The following PBRM1 variants were observed in gnomAD, a reference collection of about 807,000 sequenced individuals.
The protein encoded by PBRM1 is polybromo 1.
PBRM1 carries 27 observed loss-of-function variants against 194.5 expected under a neutral mutation model. The ratio of observed to expected loss-of-function variants is 0.14; its 90% CI spans 0.10 to 0.19. PBRM1 has a LOEUF of 0.19. Among genes scored for constraint, PBRM1 ranks in the 10% least tolerant of loss-of-function variants. The pLI is 1.00. For synonymous variants in PBRM1, 655 were observed against 693.2 expected, an observed-to-expected ratio of 0.94 and a Z score of 0.87; for missense variants, 1,466 against 2,077.2, an observed-to-expected ratio of 0.71 and a Z score of 5.72.
At chr3:52,647,875 G>A (rs1044931542) in intron 7 of PBRM1, among the ~76,000 whole-genome samples, 1 of 151,870 alleles carries the variant, frequency 6.6e-6, no homozygotes, top group African/African-American at 2.4e-5. Context: ...AGTGATGGCT[G>A]CCCAACTCCA....
In PBRM1 at chr3:52,571,856, C is replaced by CAAAAAAAAAAAAAAAAAAAAAAA. The variant is rs58430288; in HGVS notation, c.3691+4662_3691+4684dup. ...GAGCAAGAGGGATACCTCATCTCCC[C>CAAAAAAAAAAAAAAAAAAAAAAA]AAAAAAAAAAAAAAAAAAAAAAAAA... On this transcript the variant is annotated intron_variant, in intron 22 of 29. Coordinates refer to ENST00000296302, the Ensembl canonical transcript of PBRM1. Among the ~76,000 whole-genome samples the CAAAAAAAAAAAAAAAAAAAAAAA allele has an allele frequency of 1.1e-4, 4 of 37,090 alleles. 2 individuals carry two copies. The highest frequency in any genetic ancestry group is 4.6e-4 in the African/African-American group (4 of 8,720). 24.3% of individuals were successfully genotyped at this position (37,090 alleles called of 152,430 possible). A position where few individuals can be genotyped will look rare whatever the true frequency, so the allele number is the denominator to read the frequency against.
At chr3:52,647,457 A>AAAAAAATAT (rs1560745545) in intron 7 of PBRM1, among the ~76,000 whole-genome samples, 1 of 47,878 alleles carries the variant, frequency 2.1e-5, no homozygotes, top group African/African-American at 9.1e-5. Flanking sequence ...AAAAAAAAAA[A>AAAAAAATAT]ATATATATAT....
intron 22 of PBRM1, among the ~76,000 whole-genome samples, chr3:52,573,564 G>C (rs2088237858): frequency 6.6e-6 from 1 of 152,084 alleles, no homozygotes; most frequent in African/African-American, 2.4e-5. Flanking sequence ...CAAAGTACTG[G>C]GATTACAGGC....
At chr3:52,575,424 A>G (rs922660789) in intron 22 of PBRM1, among the ~76,000 whole-genome samples, 3 of 152,138 alleles carry the variant, frequency 2.0e-5, no homozygotes, top group Non-Finnish European at 2.9e-5. Context: ...CAGCCCATTC[A>G]TAAGAAAAAA....
chr3:52,638,077 T>C (rs1208186475), intron 10 of PBRM1, among the ~76,000 whole-genome samples: 2 of 152,212 alleles, frequency 1.3e-5, no homozygotes, highest in Non-Finnish European at 1.5e-5. Flanking sequence ...GCAAATCATA[T>C]GATTTTACTC....
At chr3:52,616,432 G>A (rs547915938) in intron 14 of PBRM1, among the ~76,000 whole-genome samples, 4 of 152,252 alleles carry the variant, frequency 2.6e-5, no homozygotes, top group Non-Finnish European at 5.9e-5. Context: ...AGTGGCTCAC[G>A]CCTGTAATCC....
chr3:52,614,548 T>C (rs1030209355), intron 15 of PBRM1, among the ~76,000 whole-genome samples: 52 of 151,600 alleles, frequency 3.4e-4, no homozygotes, highest in Middle Eastern at 3.4e-3. Flanking sequence ...TTTTCCTGTC[T>C]TCTCTTCCAA....
At chr3:52,667,722 T>C (rs926258651) in intron 3 of PBRM1, among the ~76,000 whole-genome samples, 3 of 138,552 alleles carry the variant, frequency 2.2e-5, no homozygotes, top group Non-Finnish European at 4.5e-5. Context: ...CACTGCACTC[T>C]AGCCTGGGCA....
chr3:52,684,770 T>C (rs944717577), intron 1 of PBRM1: 3 of 152,230 alleles, frequency 2.0e-5, no homozygotes, highest in Admixed American at 1.3e-4. Flanking sequence ...TTTGAGGTAT[T>C]TTGTACATTC....
chr3:52,644,082 T>C lies in PBRM1; in HGVS notation c.899+622A>G, dbSNP rs114647375. On this transcript the variant is annotated intron_variant, in intron 8 of 29. Transcript: ENST00000296302. The stretch of plus-strand genomic sequence containing the variant: ...ATATGAATACATACTACTAATATTA[T>C]ATATAAATACCATACTATTATCTAT... Among the ~76,000 whole-genome samples the C allele has an allele frequency of 1.1e-3, 173 of 151,870 alleles. 2 individuals are homozygous for C. Among genetic ancestry groups the C allele is most frequent in the African/African-American group, 3.6e-3 (149 of 41,474 alleles).
chr3:52,679,023 T>A (rs2097159496), intron 1 of PBRM1, among the ~76,000 whole-genome samples: 1 of 152,140 alleles, frequency 6.6e-6, no homozygotes, highest in African/African-American at 2.4e-5. Context: ...TCTGAATGGG[T>A]GGAGCTTGCC....
chr3:52,637,765 T>TAAAAATAC (rs2095875020), intron 10 of PBRM1, among the ~76,000 whole-genome samples: 1 of 26,226 alleles, frequency 3.8e-5, no homozygotes, highest in Admixed American at 5.8e-4. Context: ...ATGTCTCTAC[T>TAAAAATAC]AAAAATACAA....
chr3:52,588,625 C>A (rs923903666), intron 18 of PBRM1, among the ~76,000 whole-genome samples: 13 of 147,778 alleles, frequency 8.8e-5, no homozygotes, highest in African/African-American at 3.3e-4. Context: ...GTGATCTCGG[C>A]TCCCTTGCAA....
rs948123008 is a variant in PBRM1 at position 52,651,735 on chromosome 3, T to G, written c.714+7A>C. 19 of 1,535,488 alleles carry G rather than the reference T, an allele frequency of 1.2e-5. No individual in the cohort carries two copies. The Middle Eastern group carries it at 6.8e-4, about 55-fold the overall frequency. Reference sequence around the variant, plus strand: ...CCACAATCATTTACTTATGGTCATCTTCATACCTGTATCCTCTGGGCAATG... The same window carrying G: ...CCACAATCATTTACTTATGGTCATCGTCATACCTGTATCCTCTGGGCAATG... On this transcript the variant is annotated splice_region_variant and intron_variant, in intron 6 of 29. Coordinates refer to ENST00000296302, the Ensembl canonical transcript of PBRM1.
chr3:52,629,580 C>T (rs2095553296), intron 11 of PBRM1, among the ~76,000 whole-genome samples: 1 of 152,188 alleles, frequency 6.6e-6, no homozygotes, highest in Admixed American at 6.5e-5. Context: ...CCATTCATTT[C>T]TATTCTTCCA....
chr3:52,592,266 G>A (rs1009053084), intron 17 of PBRM1, among the ~76,000 whole-genome samples: 1 of 151,810 alleles, frequency 6.6e-6, no homozygotes, highest in African/African-American at 2.4e-5. Context: ...CGAATAGCTA[G>A]GACTACAGGT....
chr3:52,617,145 T>C, intron 14 of PBRM1, 117 bp downstream of exon 16: 2 of 733,290 alleles, frequency 2.7e-6, no homozygotes. Context: ...ATTAACCTAG[T>C]CACCAAAAAG....
At chr3:52,549,839 A>C (rs1344611241) in intron 29 of PBRM1, among the ~76,000 whole-genome samples, 1 of 151,164 alleles carries the variant, frequency 6.6e-6, no homozygotes, top group Non-Finnish European at 1.5e-5. Flanking sequence ...TGGGGGTCGG[A>C]GGTTGCAGTA....
intron 24 of PBRM1, 67 bp from the exon 27 acceptor site, chr3:52,562,035 A>G: frequency 7.5e-7 from 1 of 1,340,070 alleles, no homozygotes; most frequent in Non-Finnish European, 1.1e-6. Flanking sequence ...AAAATTTCAG[A>G]AGCCAGCCGG....
Sources: gnomAD v4.1 joint callset for allele counts (sites outside exome capture counted in the v4.1 genomes callset) on GRCh38, gnomAD v4.1.1 for gene constraint, MANE v1.5 for transcripts, NCBI Gene and HGNC (gene_info 2026-07-23, HGNC 2026-07-21) for gene names.